PDE1C: variants seen among roughly 807,000 people sequenced by gnomAD.
PDE1C encodes phosphodiesterase 1C, also known as dual specificity calcium/calmodulin-dependent 3',5'-cyclic nucleotide phosphodiesterase 1C.
Under a neutral mutation model 93.1 loss-of-function variants are expected in PDE1C, and 62 were observed. That is an observed-to-expected ratio of 0.67 (90% CI 0.54 to 0.82). The LOEUF (loss-of-function observed/expected upper bound fraction) is 0.82. Among genes scored for constraint, PDE1C ranks in the 40% least tolerant of loss-of-function variants. The pLI is 0.00. For synonymous variants in PDE1C, 325 were observed against 310.1 expected, an observed-to-expected ratio of 1.05 and a Z score of -0.50; for missense variants, 742 against 884.6, an observed-to-expected ratio of 0.84 and a Z score of 2.04.
chr7:32,078,549 G>A (rs1351955715), intron 3 of PDE1C, among the ~76,000 whole-genome samples: 1 of 152,230 alleles, frequency 6.6e-6, no homozygotes, highest in Non-Finnish European at 1.5e-5. Flanking sequence ...AGAACCTGAT[G>A]TGATGGGTGT....
intron 6 of PDE1C, among the ~76,000 whole-genome samples, chr7:31,866,001 G>T (rs2191866): frequency 6.6e-6 from 1 of 151,834 alleles, no homozygotes; most frequent in African/African-American, 2.4e-5. Flanking sequence ...TTGTTTTGTC[G>T]TCTGAAATAT....
chr7:31,865,169 T>C, intron 6 of PDE1C, 87 bp from the exon 7 acceptor site: 1 of 1,329,668 alleles, frequency 7.5e-7, no homozygotes, highest in Non-Finnish European at 1.1e-6. Context: ...GACTGCTTTT[T>C]CTCTGAAGGC....
chr7:31,913,677 A>G (rs1222627070), intron 2 of PDE1C, among the ~76,000 whole-genome samples: 1 of 152,218 alleles, frequency 6.6e-6, no homozygotes, highest in Middle Eastern at 3.2e-3. Context: ...GTCTGGGACT[A>G]AGACAAGAGC....
intron 11 of PDE1C, among the ~76,000 whole-genome samples, chr7:31,829,785 A>C (rs1790147648): frequency 6.6e-6 from 1 of 152,172 alleles, no homozygotes; most frequent in Admixed American, 6.5e-5. Flanking sequence ...GTGGCATGAT[A>C]AAAATGATTT....
rs532067860 is a variant in PDE1C at position 31,837,378 on chromosome 7, G to A, written c.1083-78C>T. The A allele has an allele frequency of 9.7e-6, 13 of 1,336,134 alleles. 1 individual carries two copies. In the South Asian group the frequency reaches 2.2e-4, roughly 23 times the overall value. 82.8% of individuals were successfully genotyped at this position (1,336,134 alleles called of 1,614,324 possible). Reference sequence around the variant, plus strand: ...GTAAGAGTTTTTTAAAAATCATTAAGTTTTTAATCTCTTTTGTTCTTCCAT... The same window carrying A: ...GTAAGAGTTTTTTAAAAATCATTAAATTTTTAATCTCTTTTGTTCTTCCAT... On this transcript the variant is annotated intron_variant, in intron 10 of 17. Coordinates refer to ENST00000396191, the MANE Select transcript of PDE1C (RefSeq NM_001191057.4).
At chr7:32,379,381 C>G (rs1784490625) in intron 1 of PDE1C, among the ~76,000 whole-genome samples, 1 of 152,292 alleles carries the variant, frequency 6.6e-6, no homozygotes, top group African/African-American at 2.4e-5. Context: ...CAAGAATCCT[C>G]AAAGAGGAAG....
chr7:31,928,723 A>G (rs1283924354), intron 2 of PDE1C, among the ~76,000 whole-genome samples: 1 of 152,212 alleles, frequency 6.6e-6, no homozygotes, highest in East Asian at 1.9e-4. Flanking sequence ...TCCTTTACAG[A>G]CAAGCAAATG....
intron 3 of PDE1C, among the ~76,000 whole-genome samples, chr7:32,143,467 A>G (rs1231967832): frequency 6.6e-6 from 1 of 151,962 alleles, no homozygotes; most frequent in Non-Finnish European, 1.5e-5. Flanking sequence ...ACTGACCGTG[A>G]CTTTACGTGA....
chr7:31,975,277 G>A (rs1288848556), intron 2 of PDE1C, among the ~76,000 whole-genome samples: 1 of 152,110 alleles, frequency 6.6e-6, no homozygotes, highest in East Asian at 1.9e-4. Flanking sequence ...GACTTTCTGG[G>A]TAGAATTGGC....
At chr7:31,937,094 GA>G (rs960290000) in intron 2 of PDE1C, among the ~76,000 whole-genome samples, 4 of 152,114 alleles carry the variant, frequency 2.6e-5, no homozygotes, top group African/African-American at 9.7e-5. Flanking sequence ...AGATAGGGGG[GA>G]TTGTGGAAGC....
chr7:32,400,376 C>A (rs532820553), intron 1 of PDE1C, among the ~76,000 whole-genome samples: 12 of 152,244 alleles, frequency 7.9e-5, no homozygotes, highest in African/African-American at 2.6e-4. Context: ...TTTCCTCATC[C>A]ATTTTCCCCC....
the PDE1C span, among the ~76,000 whole-genome samples, chr7:31,626,091 G>A: frequency 6.6e-6 from 1 of 152,236 alleles, no homozygotes; most frequent in East Asian, 1.9e-4. Flanking sequence ...AAGTTCAAGT[G>A]GGTTGTAAAC....
intron 1 of PDE1C, among the ~76,000 whole-genome samples, chr7:32,279,862 C>A (rs541235287): frequency 3.9e-5 from 6 of 152,134 alleles, no homozygotes; most frequent in African/African-American, 1.2e-4. Flanking sequence ...ATTTCTTGGT[C>A]TGATGAAAAG....
intron 2 of PDE1C, among the ~76,000 whole-genome samples, chr7:32,189,787 T>A (rs1190740012): frequency 6.8e-6 from 1 of 147,472 alleles, no homozygotes; most frequent in East Asian, 2.0e-4. Flanking sequence ...AATATACAGA[T>A]CACAGAAAAT....
chr7:31,827,216 A>G (rs1176574533), intron 12 of PDE1C, among the ~76,000 whole-genome samples: 1 of 152,132 alleles, frequency 6.6e-6, no homozygotes, highest in Non-Finnish European at 1.5e-5. Flanking sequence ...CATACCAGGC[A>G]GTTTTAAGTT....
intron 3 of PDE1C, among the ~76,000 whole-genome samples, chr7:32,121,797 G>A (rs967252668): frequency 1.3e-5 from 2 of 152,156 alleles, no homozygotes; most frequent in African/African-American, 4.8e-5. Context: ...ATGACACTAT[G>A]AAGAAACTGC....
chr7:32,418,199 A>G (rs999972778), intron 1 of PDE1C, among the ~76,000 whole-genome samples: 6 of 151,920 alleles, frequency 3.9e-5, no homozygotes, highest in African/African-American at 1.2e-4. Flanking sequence ...CCCACATACT[A>G]TTTCTTTCCA....
At chr7:32,250,965 G>A (rs561607739) in intron 1 of PDE1C, among the ~76,000 whole-genome samples, 7 of 152,346 alleles carry the variant, frequency 4.6e-5, no homozygotes, top group Admixed American at 3.3e-4. Context: ...GCCAGATGGC[G>A]ACATTTGTAC....
chr7:31,733,249 G>A, the PDE1C span, among the ~76,000 whole-genome samples: 3 of 152,164 alleles, frequency 2.0e-5, no homozygotes, highest in East Asian at 5.8e-4. Flanking sequence ...TTGAGGTGGT[G>A]GCATTGGGCA....
Sources: allele counts gnomAD v4.1 joint callset (sites outside exome capture counted in the v4.1 genomes callset), GRCh38; gene constraint gnomAD v4.1.1; transcripts MANE v1.5; gene names NCBI Gene and HGNC (gene_info 2026-07-23, HGNC 2026-07-21).